SLCO2B1: variants seen among roughly 807,000 people sequenced by gnomAD.
SLCO2B1 encodes solute carrier organic anion transporter family member 2B1.
A neutral mutation model predicts 67.3 loss-of-function variants in SLCO2B1; 41 were observed. The observed-to-expected ratio is 0.61, with a 90% CI of 0.47 to 0.79. The LOEUF (loss-of-function observed/expected upper bound fraction) is 0.79, where lower values mean the gene tolerates loss of function less well. Ranked by LOEUF, SLCO2B1 falls within the 30% of genes least tolerant of loss-of-function variation. The probability of loss-of-function intolerance (pLI) is 0.00; values close to 1 mark genes in which losing one functional copy is unlikely to be tolerated. For synonymous variants in SLCO2B1, 379 were observed against 381.4 expected, an observed-to-expected ratio of 0.99 and a Z score of 0.07; for missense variants, 837 against 920.1, an observed-to-expected ratio of 0.91 and a Z score of 1.17.
At chr11:75,189,422 C>T (rs144818243) in intron 8 of SLCO2B1, among the ~76,000 whole-genome samples, 13 of 152,250 alleles carry the variant, frequency 8.5e-5, no homozygotes, top group South Asian at 6.2e-4. Context: ...TCAAATGAGA[C>T]GAAACATGGA....
At chr11:75,161,403 T>C (rs1052162338) in intron 1 of SLCO2B1, among the ~76,000 whole-genome samples, 32 of 152,212 alleles carry the variant, frequency 2.1e-4, no homozygotes, top group African/African-American at 7.2e-4. Context: ...TAAAACCCAC[T>C]GGATTGTGCA....
intron 7 of SLCO2B1, among the ~76,000 whole-genome samples, chr11:75,179,294 C>CAT (rs1565541644): frequency 8.1e-6 from 1 of 122,958 alleles, no homozygotes; most frequent in Non-Finnish European, 1.6e-5. Flanking sequence ...TACAGTGGTG[C>CAT]GATCTTGGCT....
intron 7 of SLCO2B1, among the ~76,000 whole-genome samples, chr11:75,180,992 T>C (rs575336329): frequency 5.9e-5 from 9 of 152,326 alleles, no homozygotes; most frequent in African/African-American, 2.2e-4. Context: ...ATTCAGTTGA[T>C]ACCATTGAGC....
chr11:75,164,764 C>G (rs898073497), intron 3 of SLCO2B1, among the ~76,000 whole-genome samples: 1 of 152,180 alleles, frequency 6.6e-6, no homozygotes. Context: ...TTCTCACAAC[C>G]CAAGGCCGTC....
chr11:75,183,558 T>C (rs1950113164), intron 7 of SLCO2B1, among the ~76,000 whole-genome samples: 1 of 152,196 alleles, frequency 6.6e-6, no homozygotes, highest in Admixed American at 6.5e-5. Flanking sequence ...AAGGTGTTGC[T>C]CTGTCACCTA....
chr11:75,196,362 C>A (rs1024327970), intron 9 of SLCO2B1, 152 bp from the exon 10 acceptor site: 2 of 719,382 alleles, frequency 2.8e-6, no homozygotes, highest in Non-Finnish European at 4.5e-6. Flanking sequence ...AGCTCACTAT[C>A]ACGCCATCAT....
intron 1 of SLCO2B1, among the ~76,000 whole-genome samples, chr11:75,161,962 T>A (rs1411413496): frequency 6.6e-6 from 1 of 152,186 alleles, no homozygotes; most frequent in African/African-American, 2.4e-5. Context: ...GACAGCTCTG[T>A]GTCCTCAGTT....
intron 7 of SLCO2B1, 49 bp downstream of exon 7, chr11:75,172,618 C>A: frequency 6.6e-7 from 1 of 1,509,010 alleles, no homozygotes; most frequent in South Asian, 1.2e-5. Flanking sequence ...CAGCACCACC[C>A]ACTTGTTCTC....
At chr11:75,188,919 C>T (rs1255869712) in intron 8 of SLCO2B1, among the ~76,000 whole-genome samples, 1 of 152,162 alleles carries the variant, frequency 6.6e-6, no homozygotes, top group Non-Finnish European at 1.5e-5. Flanking sequence ...ATGACCCTTC[C>T]TCTCCTCCCA....
chr11:75,176,921 G>A (rs1404679531), intron 7 of SLCO2B1, among the ~76,000 whole-genome samples: 1 of 152,220 alleles, frequency 6.6e-6, no homozygotes, highest in East Asian at 1.9e-4. Flanking sequence ...CCTGTCCAGA[G>A]GTTGGACAGC....
At chr11:75,163,187 C>T (rs1038632107) in intron 2 of SLCO2B1, among the ~76,000 whole-genome samples, 1 of 152,170 alleles carries the variant, frequency 6.6e-6, no homozygotes, top group Admixed American at 6.5e-5. Context: ...GTGCCAGGTG[C>T]CACTCACACG....
intron 2 of SLCO2B1, among the ~76,000 whole-genome samples, chr11:75,163,243 G>T (rs1949845069): frequency 6.6e-6 from 1 of 152,222 alleles, no homozygotes; most frequent in Admixed American, 6.5e-5. Context: ...TCGGGCTGTT[G>T]TCCTCATTGT....
chr11:75,195,277 T>C (rs1194969228), intron 9 of SLCO2B1, among the ~76,000 whole-genome samples: 2 of 152,188 alleles, frequency 1.3e-5, no homozygotes, highest in Non-Finnish European at 2.9e-5. Context: ...AGCAGAGGGT[T>C]CTGGGAAGTG....
At chr11:75,168,805 G>T (rs1238357451) in intron 4 of SLCO2B1, among the ~76,000 whole-genome samples, 1 of 152,098 alleles carries the variant, frequency 6.6e-6, no homozygotes, top group Non-Finnish European at 1.5e-5. Context: ...CTGGAAAATT[G>T]TGTTTATTCT....
intron 10 of SLCO2B1, among the ~76,000 whole-genome samples, chr11:75,197,111 C>T (rs1045040110): frequency 2.6e-5 from 4 of 152,154 alleles, no homozygotes; most frequent in African/African-American, 9.7e-5. Flanking sequence ...AGTGAAACTC[C>T]ATCTCAAAAA....
At chr11:75,178,824 G>A (rs1181621185) in intron 7 of SLCO2B1, among the ~76,000 whole-genome samples, 1 of 152,152 alleles carries the variant, frequency 6.6e-6, no homozygotes, top group East Asian at 1.9e-4. Flanking sequence ...GCTTCTATGA[G>A]TTTGGCTTTT....
intron 7 of SLCO2B1, among the ~76,000 whole-genome samples, chr11:75,179,774 T>C (rs963861141): frequency 1.3e-5 from 2 of 152,184 alleles, no homozygotes; most frequent in South Asian, 2.1e-4. Flanking sequence ...TCTCACTCTG[T>C]CACCCAGGCT....
At chr11:75,160,820 C>G (rs572354404) in intron 1 of SLCO2B1, among the ~76,000 whole-genome samples, 1 of 152,206 alleles carries the variant, frequency 6.6e-6, no homozygotes. Flanking sequence ...GCAGTAGGCA[C>G]ATGAAAAGAT....
In SLCO2B1 at chr11:75,182,004, C is replaced by T. The variant is rs567010770; in HGVS notation, c.973-6132C>T. ...AATATAGCCCAAATCTCAGCCTGGCCTTCCAAACCACCCGAGTCTGGCTGT... is the reference window on the plus strand; with the variant it reads ...AATATAGCCCAAATCTCAGCCTGGCTTTCCAAACCACCCGAGTCTGGCTGT... On this transcript the variant is annotated intron_variant, in intron 7 of 13. Transcript: ENST00000289575. Among the ~76,000 whole-genome samples the T allele has an allele frequency of 4.6e-5, 7 of 152,312 alleles. No individual in the cohort carries two copies. In the South Asian group the frequency reaches 1.4e-3, roughly 32 times the overall value.
Sources: gnomAD v4.1 joint callset for allele counts (sites outside exome capture counted in the v4.1 genomes callset) on GRCh38, gnomAD v4.1.1 for gene constraint, MANE v1.5 for transcripts, NCBI Gene and HGNC (gene_info 2026-07-23, HGNC 2026-07-21) for gene names.